The following ST7 variants were observed in gnomAD, a reference collection of about 807,000 sequenced individuals.
ST7 encodes the protein suppression of tumorigenicity 7, also known as suppressor of tumorigenicity 7 protein.
Under a neutral mutation model 78.7 loss-of-function variants are expected in ST7, and 28 were observed. The observed-to-expected ratio is 0.36, with a 90% CI of 0.26 to 0.49. The LOEUF (loss-of-function observed/expected upper bound fraction) is 0.49, where lower values mean the gene tolerates loss of function less well. Among genes scored for constraint, ST7 ranks in the 20% least tolerant of loss-of-function variants. ST7 has a pLI of 0.99. For missense variants in ST7, 418 were observed against 696.0 expected (o/e 0.60, Z 4.49); for synonymous variants, 247 against 249.6 (o/e 0.99, Z 0.10).
chr7:116,953,766 C>A, intron 1 of ST7, 75 bp downstream of exon 1: 1 of 1,082,118 alleles, frequency 9.2e-7, no homozygotes, highest in South Asian at 3.4e-5. Flanking sequence ...CGCGCGGGGC[C>A]GCGGCCAGGC....
intron 1 of ST7, among the ~76,000 whole-genome samples, chr7:116,963,901 G>A (rs1026961507): frequency 5.3e-5 from 8 of 152,174 alleles, no homozygotes; most frequent in Non-Finnish European, 7.4e-5. Context: ...AAAGTGCTGC[G>A]ACTTTGGTTC....
chr7:116,994,257 T>C (rs1794552668), intron 1 of ST7, among the ~76,000 whole-genome samples: 1 of 152,230 alleles, frequency 6.6e-6, no homozygotes, highest in Non-Finnish European at 1.5e-5. Context: ...AATCATGTAA[T>C]ATTTATCCTT....
At chr7:117,167,043 G>C (rs1807611720) in intron 9 of ST7, among the ~76,000 whole-genome samples, 1 of 150,332 alleles carries the variant, frequency 6.7e-6, no homozygotes, top group South Asian at 2.1e-4. Flanking sequence ...AAGAGGAGAT[G>C]GTAATGATTC....
At chr7:117,094,264 G>C (rs1800856457) in intron 1 of ST7, among the ~76,000 whole-genome samples, 1 of 152,146 alleles carries the variant, frequency 6.6e-6, no homozygotes, top group Non-Finnish European at 1.5e-5. Flanking sequence ...TTCACCCTCA[G>C]GCCCCAGGGC....
chr7:117,132,207 C>G (rs1380166724), intron 6 of ST7, among the ~76,000 whole-genome samples: 1 of 151,486 alleles, frequency 6.6e-6, no homozygotes, highest in African/African-American at 2.4e-5. Context: ...AAGGGCTATC[C>G]CTAGGATATT....
intron 10 of ST7, among the ~76,000 whole-genome samples, chr7:117,182,197 T>C (rs1441110871): frequency 6.6e-6 from 1 of 152,220 alleles, no homozygotes; most frequent in African/African-American, 2.4e-5. Flanking sequence ...ATTCTGTGCT[T>C]CATTTTCCCC....
chr7:117,145,010 G>T (rs1215856348), intron 9 of ST7, among the ~76,000 whole-genome samples: 2 of 152,032 alleles, frequency 1.3e-5, no homozygotes, highest in Non-Finnish European at 2.9e-5. Flanking sequence ...GACCAGCGTG[G>T]GCAACGTGGT....
At chr7:117,053,821 A>AAGAAC (rs1277747869) in intron 1 of ST7, among the ~76,000 whole-genome samples, 1 of 150,532 alleles carries the variant, frequency 6.6e-6, no homozygotes, top group Non-Finnish European at 1.5e-5. Flanking sequence ...TTCATGGGTG[A>AAGAAC]AGAACAGAAC....
intron 1 of ST7, among the ~76,000 whole-genome samples, chr7:116,970,489 A>C (rs1297901960): frequency 2.0e-5 from 3 of 152,226 alleles, no homozygotes; most frequent in African/African-American, 7.2e-5. Context: ...CCTGGTTTGC[A>C]GATGGCCTTC....
chr7:117,205,214 T>G (rs903327338), intron 12 of ST7, among the ~76,000 whole-genome samples: 1 of 152,182 alleles, frequency 6.6e-6, no homozygotes, highest in Admixed American at 6.5e-5. Context: ...TACCTTTTTT[T>G]GTCAAAATAA....
intron 9 of ST7, among the ~76,000 whole-genome samples, chr7:117,153,309 A>G (rs1806435894): frequency 6.6e-6 from 1 of 152,174 alleles, no homozygotes; most frequent in Non-Finnish European, 1.5e-5. Context: ...AAATGGAAAT[A>G]TTTAGAAGAC....
intron 1 of ST7, among the ~76,000 whole-genome samples, chr7:117,040,360 G>A (rs1018168937): frequency 8.6e-5 from 13 of 151,484 alleles, no homozygotes; most frequent in African/African-American, 1.9e-4. Context: ...GTGAAAGAGC[G>A]AAATTCTGTC....
intron 1 of ST7, among the ~76,000 whole-genome samples, chr7:117,035,720 T>A (rs2116232999): frequency 6.6e-6 from 1 of 152,314 alleles, no homozygotes; most frequent in East Asian, 1.9e-4. Flanking sequence ...ACCTCACATT[T>A]TTAAGTAGAT....
rs1315441307 is a variant in ST7, at chr7:117,209,768, T to A, written c.1255-19T>A. On this transcript the variant is annotated intron_variant, in intron 12 of 15. Coordinates refer to ENST00000323984, the MANE Select transcript of ST7 (RefSeq NM_001369598.1). ...TTACTTAGGTATTAACACAAGTGTG[T>A]CCTGCTTTTTTATTTCAGTACCTAC... is the stretch of plus-strand genomic sequence containing the variant. 2 of 1,610,164 alleles carry A rather than the reference T, an allele frequency of 1.2e-6. No individual in the cohort carries two copies. The highest frequency in any genetic ancestry group is 8.5e-7 in the Non-Finnish European group (1 of 1,178,686).
intron 1 of ST7, among the ~76,000 whole-genome samples, chr7:116,959,989 CTT>C (rs1193723787): frequency 3.9e-5 from 6 of 152,100 alleles, no homozygotes; most frequent in African/African-American, 1.4e-4. Flanking sequence ...AGTTTGGACT[CTT>C]AATACTTAGT....
intron 10 of ST7, among the ~76,000 whole-genome samples, chr7:117,177,198 C>G (rs1808406105): frequency 6.6e-6 from 1 of 152,138 alleles, no homozygotes. Flanking sequence ...TTTGAGGTTA[C>G]TTTAGAACAA....
At chr7:116,959,519 C>T (rs774972739) in intron 1 of ST7, 20 of 285,492 alleles carry the variant, frequency 7.0e-5, no homozygotes, top group Admixed American at 1.0e-4. Flanking sequence ...ATCCAAGTTA[C>T]GGTGTATTTA....
chr7:117,012,529 G>T (rs917946302), intron 1 of ST7, among the ~76,000 whole-genome samples: 12 of 152,036 alleles, frequency 7.9e-5, no homozygotes, highest in Non-Finnish European at 1.3e-4. Flanking sequence ...TACACACAAA[G>T]TGCTATTTAC....
At chr7:117,048,468 C>T (rs1430202648) in intron 1 of ST7, among the ~76,000 whole-genome samples, 1 of 152,060 alleles carries the variant, frequency 6.6e-6, no homozygotes, top group Admixed American at 6.6e-5. Flanking sequence ...TTTATGTCTT[C>T]TTCATCATTT....
Sources: allele counts gnomAD v4.1 joint callset (sites outside exome capture counted in the v4.1 genomes callset), GRCh38; gene constraint gnomAD v4.1.1; transcripts MANE v1.5; gene names NCBI Gene and HGNC (gene_info 2026-07-23, HGNC 2026-07-21).